Variants in MAD1L1 observed in about 807,000 individuals in gnomAD.
The protein encoded by MAD1L1 is mitotic arrest deficient 1 like 1.
Under a neutral mutation model 96.9 loss-of-function variants are expected in MAD1L1, and 95 were observed. The observed-to-expected ratio is 0.98, with a 90% CI of 0.83 to 1.16. The LOEUF (loss-of-function observed/expected upper bound fraction) is 1.16. Among genes scored for constraint, MAD1L1 ranks in the 50% most tolerant of loss-of-function variants. The pLI is 0.00. For missense variants in MAD1L1, 1,007 were observed against 954.4 expected (o/e 1.06, Z -0.73); for synonymous variants, 473 against 396.6 (o/e 1.19, Z -2.29).
chr7:2,007,319 G>A (rs1438113442), intron 13 of MAD1L1, among the ~76,000 whole-genome samples: 1 of 152,246 alleles, frequency 6.6e-6, no homozygotes, highest in Non-Finnish European at 1.5e-5. Context: ...CCGACAGCCT[G>A]TGCAGTAACG....
intron 11 of MAD1L1, among the ~76,000 whole-genome samples, chr7:2,106,917 C>T (rs747919688): frequency 5.7e-4 from 87 of 152,326 alleles, no homozygotes; most frequent in African/African-American, 2.0e-3. Context: ...GGGCAGGGGC[C>T]CGGGGGTCCA....
intron 11 of MAD1L1, among the ~76,000 whole-genome samples, chr7:2,123,539 CA>C (rs1190207525): frequency 6.6e-6 from 1 of 152,110 alleles, no homozygotes; most frequent in African/African-American, 2.4e-5. Flanking sequence ...CCCTGTCAAG[CA>C]GGAGAGCACC....
intron 12 of MAD1L1, among the ~76,000 whole-genome samples, chr7:2,019,335 C>G (rs921050188): frequency 6.6e-6 from 1 of 152,242 alleles, no homozygotes; most frequent in Non-Finnish European, 1.5e-5. Flanking sequence ...GAGCAGGACT[C>G]TGGCATCCGT....
At chr7:2,030,808 C>T (rs528955404) in intron 12 of MAD1L1, among the ~76,000 whole-genome samples, 5 of 152,344 alleles carry the variant, frequency 3.3e-5, no homozygotes, top group South Asian at 2.1e-4. Context: ...CTGTCAGACG[C>T]GTTTCTGTCC....
intron 12 of MAD1L1, among the ~76,000 whole-genome samples, chr7:2,019,793 C>A (rs1782704643): frequency 6.6e-6 from 1 of 152,352 alleles, no homozygotes; most frequent in East Asian, 1.9e-4. Flanking sequence ...TGTGCTCGGC[C>A]CACGCCTGCT....
At chr7:1,961,846 T>C (rs1779963999) in intron 15 of MAD1L1, among the ~76,000 whole-genome samples, 1 of 151,986 alleles carries the variant, frequency 6.6e-6, no homozygotes, top group Non-Finnish European at 1.5e-5. Flanking sequence ...ACAGGGCGGT[T>C]TCCCCCATAC....
At chr7:1,951,846 C>T (rs898695586) in intron 16 of MAD1L1, among the ~76,000 whole-genome samples, 1 of 152,214 alleles carries the variant, frequency 6.6e-6, no homozygotes, top group Admixed American at 6.5e-5. Context: ...CATCTGTCCA[C>T]AGACGCTGGG....
chr7:2,159,369 C>T (rs1789990023), intron 10 of MAD1L1, among the ~76,000 whole-genome samples: 1 of 152,228 alleles, frequency 6.6e-6, no homozygotes, highest in South Asian at 2.1e-4. Flanking sequence ...CACCGCACCC[C>T]TAGATGCCTG....
chr7:2,144,487 T>C (rs779280408), intron 11 of MAD1L1, among the ~76,000 whole-genome samples: 6 of 152,118 alleles, frequency 3.9e-5, no homozygotes, highest in Non-Finnish European at 8.8e-5. Context: ...CTGCCCGAGC[T>C]TCCCAGCCCT....
At chr7:2,217,846 A>C (rs1793374520) in intron 7 of MAD1L1, 116 bp downstream of exon 7, 1 of 842,676 alleles carries the variant, frequency 1.2e-6, no homozygotes, top group Admixed American at 1.9e-5. Flanking sequence ...ACAGGGCAGC[A>C]GCTAACCTCA....
intron 17 of MAD1L1, among the ~76,000 whole-genome samples, chr7:1,913,548 G>A (rs990159550): frequency 2.6e-5 from 4 of 152,176 alleles, no homozygotes; most frequent in Non-Finnish European, 2.9e-5. Context: ...TGGCCCTGGC[G>A]TCCTGGGGGT....
intron 15 of MAD1L1, among the ~76,000 whole-genome samples, chr7:1,970,009 C>G (rs1780334389): frequency 6.6e-6 from 1 of 152,196 alleles, no homozygotes; most frequent in Non-Finnish European, 1.5e-5. Context: ...TATGAGAAAG[C>G]TACCTAAGTG....
chr7:1,948,202 T>C (rs1026179259), intron 16 of MAD1L1, among the ~76,000 whole-genome samples: 21 of 152,178 alleles, frequency 1.4e-4, no homozygotes, highest in African/African-American at 4.8e-4. Context: ...ACACGCACCA[T>C]GGCCAGGCTT....
chr7:2,056,863 C>T (rs749600924), intron 12 of MAD1L1, among the ~76,000 whole-genome samples: 24 of 152,342 alleles, frequency 1.6e-4, no homozygotes, highest in Non-Finnish European at 2.5e-4. Flanking sequence ...CGACCACCTA[C>T]GGCATTGCCA....
chr7:2,011,851 G>C (rs556338934), intron 13 of MAD1L1, among the ~76,000 whole-genome samples: 284 of 152,286 alleles, frequency 1.9e-3, no homozygotes, highest in Non-Finnish European at 1.1e-3. Context: ...CGGGGTCCTG[G>C]GGGGAGACTG....
intron 10 of MAD1L1, among the ~76,000 whole-genome samples, chr7:2,168,353 A>C (rs961363308): frequency 1.3e-5 from 2 of 152,230 alleles, no homozygotes; most frequent in African/African-American, 4.8e-5. Flanking sequence ...AATCAAAGGC[A>C]ATGTGGGAAC....
At chr7:2,060,741 G>A (rs980881006) in intron 12 of MAD1L1, among the ~76,000 whole-genome samples, 1 of 152,238 alleles carries the variant, frequency 6.6e-6, no homozygotes, top group Non-Finnish European at 1.5e-5. Context: ...AATAGAGGCT[G>A]CCAGATCAAC....
At chr7:1,859,153 G>C in intron 18 of MAD1L1, among the ~76,000 whole-genome samples, 1 of 152,276 alleles carries the variant, frequency 6.6e-6, no homozygotes, top group South Asian at 2.1e-4. Context: ...AGATGCCTGA[G>C]AGAGGCAGTG....
intron 18 of MAD1L1, among the ~76,000 whole-genome samples, chr7:1,850,634 T>C (rs1323005807): frequency 6.6e-6 from 1 of 152,074 alleles, no homozygotes; most frequent in Non-Finnish European, 1.5e-5. Flanking sequence ...TGGACCCAGG[T>C]CCGGGGACCC....
Sources: allele counts gnomAD v4.1 joint callset (sites outside exome capture counted in the v4.1 genomes callset), GRCh38; gene constraint gnomAD v4.1.1; transcripts MANE v1.5; gene names NCBI Gene and HGNC (gene_info 2026-07-23, HGNC 2026-07-21).